Variants in GPBP1 observed in about 807,000 individuals in gnomAD.
The protein encoded by GPBP1 is vasculin.
Under a neutral mutation model 56.5 loss-of-function variants are expected in GPBP1, and 13 were observed. The observed-to-expected ratio is 0.23, with a 90% confidence interval of 0.15 to 0.37. The LOEUF (loss-of-function observed/expected upper bound fraction) is 0.37. Among genes scored for constraint, GPBP1 ranks in the 10% least tolerant of loss-of-function variants. The pLI is 1.00. For missense variants in GPBP1, 477 were observed against 572.3 expected, an observed-to-expected ratio of 0.83 and a Z score of 1.70; for synonymous variants, 204 against 188.9, an observed-to-expected ratio of 1.08 and a Z score of -0.66.
rs1027932696 is a variant in GPBP1 at position 57,206,010 on chromosome 5, C to G, written c.-57-8064C>G. ...TCAAACTCCTGGGTCAAGTGATCCTCCTGCCTTGGCCTCCTAGAGTGCTGG... is the reference window on the plus strand; with the variant it reads ...TCAAACTCCTGGGTCAAGTGATCCTGCTGCCTTGGCCTCCTAGAGTGCTGG... On this transcript the variant is annotated intron_variant, in intron 2 of 11. Coordinates refer to ENST00000506184, the MANE Select transcript of GPBP1 (RefSeq NM_022913.4). 9.2e-5 allele frequency among the ~76,000 whole-genome samples: 14 copies of G among 152,302 alleles called. No individual in the cohort carries two copies. In the East Asian group the frequency reaches 2.7e-3, roughly 29 times the overall value.
chr5:57,253,342 T>A (rs911629592), intron 10 of GPBP1, among the ~76,000 whole-genome samples: 1 of 152,200 alleles, frequency 6.6e-6, no homozygotes, highest in African/African-American at 2.4e-5. Context: ...AAGTCTTACA[T>A]CTTCTAAGAG....
At chr5:57,191,675 C>G (rs763286830) in intron 2 of GPBP1, among the ~76,000 whole-genome samples, 2 of 151,966 alleles carry the variant, frequency 1.3e-5, no homozygotes, top group Admixed American at 6.6e-5. Context: ...GATTCTCCTG[C>G]CTCAGCCTCC....
chr5:57,189,702 C>T (rs906333450), intron 2 of GPBP1, among the ~76,000 whole-genome samples: 1 of 152,198 alleles, frequency 6.6e-6, no homozygotes, highest in Non-Finnish European at 1.5e-5. Flanking sequence ...CCTTTAATGT[C>T]TTTCCATTGG....
intron 11 of GPBP1, 23 bp downstream of exon 11, chr5:57,261,305 A>T: frequency 7.4e-7 from 1 of 1,344,622 alleles, no homozygotes; most frequent in Non-Finnish European, 1.1e-6. Context: ...GAATCATACA[A>T]CTTCACTTTT....
intron 3 of GPBP1, among the ~76,000 whole-genome samples, chr5:57,228,104 T>A (rs1193096510): frequency 1.3e-5 from 2 of 152,202 alleles, no homozygotes; most frequent in Non-Finnish European, 2.9e-5. Context: ...AGTACCCTGT[T>A]TAATTACTTC....
At chr5:57,203,530 A>G (rs917079017) in intron 2 of GPBP1, among the ~76,000 whole-genome samples, 1 of 152,186 alleles carries the variant, frequency 6.6e-6, no homozygotes, top group Non-Finnish European at 1.5e-5. Context: ...GTGTAATCCC[A>G]GCTACTTGGG....
chr5:57,177,648 C>CTTTT (rs58708281), intron 2 of GPBP1, among the ~76,000 whole-genome samples: 1,691 of 92,026 alleles, frequency 0.018, 110 homozygotes, highest in South Asian at 0.03. Context: ...CAATTTTTGC[C>CTTTT]TTTTTTTTTT....
intron 11 of GPBP1, among the ~76,000 whole-genome samples, chr5:57,262,271 TG>T (rs546845804): frequency 6.6e-6 from 1 of 152,238 alleles, no homozygotes; most frequent in East Asian, 1.9e-4. Context: ...CAAAGCAGAT[TG>T]GGGGGTGTAT....
intron 5 of GPBP1, among the ~76,000 whole-genome samples, chr5:57,234,781 A>G (rs928137924): frequency 2.6e-5 from 4 of 152,132 alleles, no homozygotes; most frequent in African/African-American, 9.7e-5. Flanking sequence ...TCTCAAAGCT[A>G]ATAGAAATTC....
intron 5 of GPBP1, among the ~76,000 whole-genome samples, chr5:57,233,427 GT>G (rs1032395250): frequency 6.6e-6 from 1 of 152,046 alleles, no homozygotes; most frequent in Non-Finnish European, 1.5e-5. Flanking sequence ...TAACACAGAG[GT>G]TAGTGGTACT....
chr5:57,252,671 G>A (rs190688608), intron 10 of GPBP1, among the ~76,000 whole-genome samples: 44 of 152,094 alleles, frequency 2.9e-4, no homozygotes, highest in Admixed American at 1.3e-3. Flanking sequence ...AGGAGTACAG[G>A]CATGAGCCAC....
intron 3 of GPBP1, among the ~76,000 whole-genome samples, chr5:57,218,176 A>G (rs1465128092): frequency 2.0e-5 from 3 of 152,210 alleles, no homozygotes; most frequent in African/African-American, 7.2e-5. Context: ...AGCAGACACT[A>G]CCTGGGTATC....
intron 3 of GPBP1, among the ~76,000 whole-genome samples, chr5:57,227,902 C>T (rs899847928): frequency 2.0e-5 from 3 of 151,898 alleles, no homozygotes; most frequent in Admixed American, 6.6e-5. Context: ...GGTAACAGGA[C>T]TAAAGGGCAA....
At chr5:57,250,800 C>T (rs905961559) in intron 9 of GPBP1, among the ~76,000 whole-genome samples, 154 bp from the exon 10 acceptor site, 1 of 152,154 alleles carries the variant, frequency 6.6e-6, no homozygotes, top group Non-Finnish European at 1.5e-5. Flanking sequence ...CCGCCTTGGC[C>T]TTCCAAAGTG....
intron 2 of GPBP1, among the ~76,000 whole-genome samples, chr5:57,189,758 TG>T (rs1199511966): frequency 6.6e-6 from 1 of 152,226 alleles, no homozygotes; most frequent in African/African-American, 2.4e-5. Flanking sequence ...GGATCTGCAT[TG>T]TTTATTTGTT....
At chr5:57,217,429 C>T (rs1019094016) in intron 3 of GPBP1, among the ~76,000 whole-genome samples, 1 of 151,998 alleles carries the variant, frequency 6.6e-6, no homozygotes, top group African/African-American at 2.4e-5. Flanking sequence ...AAAATTATCC[C>T]GGTGTGGTGG....
intron 10 of GPBP1, among the ~76,000 whole-genome samples, chr5:57,257,571 G>T (rs990529899): frequency 1.3e-5 from 2 of 152,088 alleles, no homozygotes; most frequent in Non-Finnish European, 2.9e-5. Context: ...ATTATGACTT[G>T]GGTACCAGTC....
intron 2 of GPBP1, among the ~76,000 whole-genome samples, chr5:57,212,005 C>T (rs1298977151): frequency 1.3e-5 from 2 of 152,112 alleles, no homozygotes; most frequent in African/African-American, 2.4e-5. Flanking sequence ...GGCGCGATCT[C>T]GGCTCACTGC....
At chr5:57,174,437 AG>A in intron 1 of GPBP1, among the ~76,000 whole-genome samples, 2 of 112,644 alleles carry the variant, frequency 1.8e-5, no homozygotes, top group South Asian at 2.8e-4. Context: ...GGTTGTGAGG[AG>A]GGGGTGGGTG....
Sources: allele counts gnomAD v4.1 joint callset (sites outside exome capture counted in the v4.1 genomes callset), GRCh38; gene constraint gnomAD v4.1.1; transcripts MANE v1.5; gene names NCBI Gene and HGNC (gene_info 2026-07-23, HGNC 2026-07-21).